Variants in MARCHF4 observed in about 807,000 individuals in gnomAD.
MARCHF4 encodes the protein E3 ubiquitin-protein ligase MARCHF4.
A neutral mutation model predicts 43.9 loss-of-function variants in MARCHF4; 14 were observed. That is an observed-to-expected ratio of 0.32 (90% CI 0.21 to 0.50). The LOEUF (loss-of-function observed/expected upper bound fraction) is 0.50. Among genes scored for constraint, MARCHF4 ranks in the 20% least tolerant of loss-of-function variants. The pLI, the probability that MARCHF4 is intolerant of heterozygous loss-of-function variation, is 0.98. For missense variants in MARCHF4, 468 were observed against 536.7 expected (o/e 0.87, Z 1.27); for synonymous variants, 226 against 213.3 (o/e 1.06, Z -0.52).
rs2105989466 is a variant in MARCHF4 at position 216,370,201 on chromosome 2, G to C, written c.60C>G (p.Tyr20Ter). Reference sequence around the variant, plus strand: ...GGGCTGGGGCACACAATCCATAGCAGTACCAGCCGGAGCAGCAGCACCACC... The same window carrying C: ...GGGCTGGGGCACACAATCCATAGCACTACCAGCCGGAGCAGCAGCACCACC... ...WWWWCCCSGWYCYGLCAPAPQ... is the reference protein window; with the variant it reads ...WWWWCCCSGW Residue 20 changes from tyrosine to a stop codon, truncating the protein, a stop_gained, in exon 1 of 4, where the codon TAC becomes TAG. Transcript: ENST00000273067. LOFTEE classifies it high-confidence loss of function. 6.2e-7 allele frequency: 1 copy of C among 1,612,376 alleles called. No homozygotes were observed. Among genetic ancestry groups the C allele is most frequent in the East Asian group, 2.2e-5 (1 of 44,830 alleles).
intron 1 of MARCHF4, among the ~76,000 whole-genome samples, chr2:216,336,062 T>C (rs1179678286): frequency 3.7e-5 from 4 of 106,716 alleles, no homozygotes; most frequent in Non-Finnish European, 5.4e-5. Context: ...AGTGAGACTC[T>C]GTCTAAAAAA....
chr2:216,292,481 G>T (rs1467983074), intron 1 of MARCHF4, among the ~76,000 whole-genome samples: 1 of 152,202 alleles, frequency 6.6e-6, no homozygotes, highest in East Asian at 1.9e-4. Flanking sequence ...AAATTCACTG[G>T]ATTTGTGGAG....
intron 1 of MARCHF4, among the ~76,000 whole-genome samples, chr2:216,332,974 T>C (rs1692103387): frequency 6.6e-6 from 1 of 152,200 alleles, no homozygotes; most frequent in East Asian, 1.9e-4. Context: ...CCAAAAAAAG[T>C]GCATCTTGAA....
At chr2:216,331,642 C>T (rs552563724) in intron 1 of MARCHF4, among the ~76,000 whole-genome samples, 6 of 152,218 alleles carry the variant, frequency 3.9e-5, no homozygotes, top group Non-Finnish European at 8.8e-5. Context: ...CAGGACTAAG[C>T]GGATTTGTTC....
At chr2:216,319,542 T>C (rs1166572762) in intron 1 of MARCHF4, among the ~76,000 whole-genome samples, 1 of 152,172 alleles carries the variant, frequency 6.6e-6, no homozygotes, top group Non-Finnish European at 1.5e-5. Context: ...AATCCTAATT[T>C]CTTTACCTCA....
At chr2:216,349,703 G>T (rs920225339) in intron 1 of MARCHF4, among the ~76,000 whole-genome samples, 1 of 152,172 alleles carries the variant, frequency 6.6e-6, no homozygotes, top group Non-Finnish European at 1.5e-5. Flanking sequence ...GAGAGCTATG[G>T]AGTCTATATG....
At chr2:216,323,036 T>C (rs1691926829) in intron 1 of MARCHF4, among the ~76,000 whole-genome samples, 1 of 152,230 alleles carries the variant, frequency 6.6e-6, no homozygotes, top group Non-Finnish European at 1.5e-5. Flanking sequence ...TTGATCACCT[T>C]GCCCATAAGA....
intron 1 of MARCHF4, among the ~76,000 whole-genome samples, chr2:216,287,550 G>T (rs780748871): frequency 6.7e-6 from 1 of 149,610 alleles, no homozygotes; most frequent in Admixed American, 6.7e-5. Flanking sequence ...CACTGTGGGG[G>T]AGTGGTGAAG....
At chr2:216,274,887 C>T (rs1465952685) in intron 3 of MARCHF4, among the ~76,000 whole-genome samples, 1 of 103,326 alleles carries the variant, frequency 9.7e-6, no homozygotes, top group Non-Finnish European at 2.4e-5. Context: ...ATAATCAATA[C>T]AATGATAGAG....
At chr2:216,353,983 TG>T (rs1329644221) in intron 1 of MARCHF4, among the ~76,000 whole-genome samples, 5 of 152,210 alleles carry the variant, frequency 3.3e-5, no homozygotes, top group Non-Finnish European at 7.3e-5. Context: ...CCAGACCCTC[TG>T]GTGGCTTCCA....
At chr2:216,278,181 G>A (rs1481320255) in intron 2 of MARCHF4, among the ~76,000 whole-genome samples, 17 of 152,082 alleles carry the variant, frequency 1.1e-4, no homozygotes, top group Non-Finnish European at 2.5e-4. Context: ...AAAATGCAGA[G>A]CTAGTGAGGG....
At position 216,283,790 on chromosome 2, in the gene MARCHF4, TG is replaced by T. The variant is rs1232927759; in HGVS notation, c.517-62del. The T allele has an allele frequency of 7.5e-5, 111 of 1,489,276 alleles. No individual in the cohort carries two copies. The Middle Eastern group carries it at 1.1e-3, about 15-fold the overall frequency. The allele number at this position is 1,489,276 out of a possible 1,614,324, so 92.3% of individuals were successfully genotyped here. On this transcript the variant is annotated intron_variant, in intron 1 of 3. Transcript: ENST00000273067. ...CCTACAGTGGCTGGTGGGTGAGTGA[TG>T]GGCGGGAGGGTGGCAGCTGCAGCCT...
At chr2:216,283,778 G>A (rs1691173475) in intron 1 of MARCHF4, 49 bp from the exon 2 acceptor site, 1 of 1,521,566 alleles carries the variant, frequency 6.6e-7, no homozygotes, top group Non-Finnish European at 8.9e-7. Context: ...ACAGTGGCTG[G>A]TGGGTGAGTG....
chr2:216,295,205 TC>T (rs1001871023), intron 1 of MARCHF4, among the ~76,000 whole-genome samples: 1 of 152,196 alleles, frequency 6.6e-6, no homozygotes, highest in African/African-American at 2.4e-5. Context: ...ACTTCCTGCC[TC>T]CCAGGTGCTC....
chr2:216,265,989 T>A (rs534243366), intron 3 of MARCHF4: 2 of 152,208 alleles, frequency 1.3e-5, no homozygotes, highest in African/African-American at 4.8e-5. Context: ...TTATTCCTCA[T>A]AGAAGGTTCT....
At chr2:216,305,781 T>A (rs1691577109) in intron 1 of MARCHF4, among the ~76,000 whole-genome samples, 1 of 152,184 alleles carries the variant, frequency 6.6e-6, no homozygotes, top group African/African-American at 2.4e-5. Flanking sequence ...CCTGGTCATA[T>A]AAAAGAAATC....
In MARCHF4 at chr2:216,328,666, G is replaced by A. The variant is rs73066459; in HGVS notation, c.516+41079C>T. Among the ~76,000 whole-genome samples the A allele has an allele frequency of 7.4e-3, 1,123 of 152,292 alleles. 11 individuals carry two copies. Among genetic ancestry groups the A allele is most frequent in the African/African-American group, 0.026 (1,066 of 41,556 alleles). ...AAGGGCAACTCAAAGAGTAAATCTG[G>A]TATAAATGCAATAGAATATTGGTTG... is the stretch of plus-strand genomic sequence containing the variant. On this transcript the variant is annotated intron_variant, in intron 1 of 3. Transcript: ENST00000273067.
chr2:216,320,655 CTTTCTTTCTT>C (rs1202098724), intron 1 of MARCHF4, among the ~76,000 whole-genome samples: 1 of 109,312 alleles, frequency 9.1e-6, no homozygotes, highest in African/African-American at 4.0e-5. Context: ...TTCTTTCTTT[CTTTCTTTCTT>C]TCTTTCTTTC....
rs759567351 is a variant in MARCHF4, at chr2:216,372,305, CG to C, written c.-2046del. ...GGAGGCTCTCGGCTATCTCCGCCGC[CG>C]GCGCCGCGGCCGCCGCTGCTGCATT... is the stretch of plus-strand genomic sequence containing the variant. On this transcript the variant is annotated 5_prime_UTR_variant, in exon 1 of 4. The change abolishes the stop of an existing upstream ORF in the 5' untranslated region. Coordinates refer to ENST00000273067, the MANE Select transcript of MARCHF4 (RefSeq NM_020814.3). Among the ~76,000 whole-genome samples, 31 of 152,222 alleles carry C rather than the reference CG, an allele frequency of 2.0e-4. No individual in the cohort carries two copies. Among genetic ancestry groups the C allele is most frequent in the Middle Eastern group, 3.4e-3 (1 of 294 alleles).
Sources: gnomAD v4.1 joint callset for allele counts (sites outside exome capture counted in the v4.1 genomes callset) on GRCh38, gnomAD v4.1.1 for gene constraint, MANE v1.5 for transcripts, NCBI Gene and HGNC (gene_info 2026-07-23, HGNC 2026-07-21) for gene names.